RNF10: variants seen among roughly 807,000 people sequenced by gnomAD.
RNF10 encodes the protein E3 ubiquitin-protein ligase RNF10.
RNF10 carries 38 observed loss-of-function variants against 91.4 expected under a neutral mutation model. The observed-to-expected ratio is 0.42, with a 90% CI of 0.32 to 0.54. The LOEUF (loss-of-function observed/expected upper bound fraction) is 0.54. Ranked by LOEUF, RNF10 falls within the 20% of genes least tolerant of loss-of-function variation. RNF10 has a pLI of 0.16. For missense variants in RNF10, 945 were observed against 1,012.0 expected (o/e 0.93, Z 0.90); for synonymous variants, 364 against 366.3 (o/e 0.99, Z 0.07).
intron 12 of RNF10, 98 bp from the exon 13 acceptor site, chr12:120,566,727 A>G (rs2137242892): frequency 2.6e-6 from 3 of 1,140,070 alleles, no homozygotes; most frequent in South Asian, 2.7e-5. Flanking sequence ...GTACCACTAC[A>G]CTCCAGCCTG....
At chr12:120,556,130 G>C (rs1478093236) in intron 4 of RNF10, among the ~76,000 whole-genome samples, 1 of 152,024 alleles carries the variant, frequency 6.6e-6, no homozygotes, top group Non-Finnish European at 1.5e-5. Flanking sequence ...TTCTACTGAA[G>C]TTATAAACTC....
intron 13 of RNF10, among the ~76,000 whole-genome samples, chr12:120,570,985 T>A (rs183601309): frequency 6.6e-6 from 1 of 152,288 alleles, no homozygotes; most frequent in Admixed American, 6.5e-5. Context: ...TCTTCCCTCT[T>A]CCTGTACCGG....
rs1229022319 is a variant in RNF10 at position 120,567,084 on chromosome 12, AG to A, written c.2041+108del. The A allele has an allele frequency of 2.7e-6, 3 of 1,117,204 alleles. No homozygotes were observed. In the East Asian group the frequency reaches 7.5e-5, roughly 28 times the overall value. The allele number at this position is 1,117,204 out of a possible 1,614,324, so 69.2% of individuals were successfully genotyped here. A position where few individuals can be genotyped will look rare whatever the true frequency, so the allele number is the denominator to read the frequency against. On this transcript the variant is annotated intron_variant, in intron 13 of 16. Coordinates refer to ENST00000325954, the MANE Select transcript of RNF10 (RefSeq NM_014868.5). ...GCCCACTCAGCATGGTGTGGACTTC[AG>A]GGGCATAACCTTACTTTGGTAGTCC...
chr12:120,567,860 G>GGGGT (rs1555229518), intron 13 of RNF10, among the ~76,000 whole-genome samples: 2,293 of 80,534 alleles, frequency 0.028, 56 homozygotes, highest in African/African-American at 0.061. Flanking sequence ...TTTCATTATG[G>GGGGT]GTGTGTGTGT....
At chr12:120,562,834 T>C (rs1875086539) in intron 7 of RNF10, 111 bp from the exon 8 acceptor site, 4 of 1,349,954 alleles carry the variant, frequency 3.0e-6, no homozygotes, top group Non-Finnish European at 4.2e-6. Flanking sequence ...TTGGGTCTCA[T>C]TGCCTTTTAA....
intron 1 of RNF10, among the ~76,000 whole-genome samples, chr12:120,541,731 G>C (rs1871605706): frequency 6.6e-6 from 1 of 150,422 alleles, no homozygotes; most frequent in Admixed American, 6.6e-5. Context: ...ATCGTGCCTG[G>C]CTTTTTTTTT....
At chr12:120,546,267 A>G (rs77374590) in intron 1 of RNF10, 138 bp from the exon 2 acceptor site, 83 of 693,708 alleles carry the variant, frequency 1.2e-4, no homozygotes, top group Non-Finnish European at 1.7e-4. Flanking sequence ...CAAAGCACTC[A>G]TGCTCTGGCC....
intron 13 of RNF10, 114 bp downstream of exon 13, chr12:120,567,094 C>G: frequency 1.0e-6 from 1 of 1,004,764 alleles, no homozygotes; most frequent in South Asian, 1.7e-5. Context: ...AGGGGCATAA[C>G]CTTACTTTGG....
Position 120,576,716 on chromosome 12 carries a change from T to G in RNF10, c.*50T>G. Reference sequence around the variant, plus strand: ...CCATCTGGTTTTTGTTTTTGTTTTTTTTTCCCCCATGCTTTTGTTTGGCTG... The same window carrying G: ...CCATCTGGTTTTTGTTTTTGTTTTTGTTTCCCCCATGCTTTTGTTTGGCTG... On this transcript the variant is annotated 3_prime_UTR_variant, in exon 17 of 17. Coordinates refer to ENST00000325954, the MANE Select transcript of RNF10 (RefSeq NM_014868.5). 3 of 1,593,224 alleles carry G rather than the reference T, an allele frequency of 1.9e-6. No homozygotes were observed. Among genetic ancestry groups the G allele is most frequent in the South Asian group, 2.3e-5 (2 of 86,832 alleles).
Position 120,534,835 on chromosome 12 carries a change from C to T in RNF10, c.24C>T (p.Ala8=). Residue 8 remains alanine (A), a synonymous_variant, in exon 1 of 17, where the codon GCC becomes GCT. Coordinates refer to ENST00000325954, the MANE Select transcript of RNF10 (RefSeq NM_014868.5). The part of the protein sequence containing the change: MPLSSPN[A]AATASDMDKN... ...TGATGCCGCTGAGCTCCCCCAACGCCGCCGCCACCGCCTCCGACATGGACA... is the reference window on the plus strand; with the variant it reads ...TGATGCCGCTGAGCTCCCCCAACGCTGCCGCCACCGCCTCCGACATGGACA... The T allele has an allele frequency of 6.3e-7, 1 of 1,597,790 alleles. No homozygotes were observed. Among genetic ancestry groups the T allele is most frequent in the Admixed American group, 1.7e-5 (1 of 58,532 alleles).
chr12:120,561,128 G>C (rs1874781955), intron 7 of RNF10, among the ~76,000 whole-genome samples: 1 of 152,114 alleles, frequency 6.6e-6, no homozygotes, highest in African/African-American at 2.4e-5. Flanking sequence ...TCTTTCTAGA[G>C]CTGAAAGGAG....
chr12:120,559,653 G>C (rs1174288240), intron 6 of RNF10, among the ~76,000 whole-genome samples: 1 of 150,954 alleles, frequency 6.6e-6, no homozygotes. Context: ...AAAGTGCTGG[G>C]ATTACAGGTG....
At position 120,565,161 on chromosome 12, in the gene RNF10, C is replaced by G. The variant is rs1484720107; in HGVS notation, c.1755C>G (p.Val585=). The change falls in exon 11 of 17, where the codon GTC becomes GTG. Residue 585 remains valine, a synonymous_variant. Coordinates refer to ENST00000325954, the MANE Select transcript of RNF10 (RefSeq NM_014868.5). ...ICELALQPPV[V]SKETLEMFSD... Reference sequence around the variant, plus strand: ...AACTGGCTTTGCAACCTCCTGTGGTCTCTAAGGAAACCCTAGAGATGTTCT... The same window carrying G: ...AACTGGCTTTGCAACCTCCTGTGGTGTCTAAGGAAACCCTAGAGATGTTCT... 1 of 1,612,526 alleles carries G rather than the reference C, an allele frequency of 6.2e-7. No individual in the cohort carries two copies. Among genetic ancestry groups the G allele is most frequent in the South Asian group, 1.1e-5 (1 of 91,030 alleles).
In RNF10 at chr12:120,576,615, A is replaced by AG; in HGVS notation, c.2385_2386insG (p.Lys796GlufsTer99). 1 of 1,614,024 alleles carries AG rather than the reference A, an allele frequency of 6.2e-7. No homozygotes were observed. Among genetic ancestry groups the AG allele is most frequent in the Non-Finnish European group, 8.5e-7 (1 of 1,179,932 alleles). ...AAGAGAAAGGAGGAAAGAAAAGAAA[A>AG]AAACAGAAACAGAAGCTCCTGTTCA... On this transcript the variant is annotated frameshift_variant, in exon 17 of 17. Transcript: ENST00000325954. LOFTEE classifies it high-confidence loss of function.
At position 120,550,810 on chromosome 12, in the gene RNF10, G is replaced by A. The variant is rs538168035; in HGVS notation, c.355-1689G>A. Among the ~76,000 whole-genome samples, 38 of 151,792 alleles carry A rather than the reference G, an allele frequency of 2.5e-4. 1 individual carries two copies. The East Asian group carries it at 5.8e-3, about 23-fold the overall frequency. ...ACAGGGTTTCACTGTGTTAGCCAGG[G>A]TGGTCTCGATCTCCTGACCTCGTGA... On this transcript the variant is annotated intron_variant, in intron 2 of 16. Coordinates refer to ENST00000325954, the MANE Select transcript of RNF10 (RefSeq NM_014868.5).
chr12:120,557,599 A>G lies in RNF10; in HGVS notation c.884A>G (p.Gln295Arg), dbSNP rs1315787464. The change falls in exon 6 of 17, where the codon CAG (glutamine) becomes CGG (arginine). Residue 295 changes from glutamine to arginine, a missense_variant. By Grantham distance (43) the Gln-to-Arg change is conservative. Coordinates refer to ENST00000325954, the MANE Select transcript of RNF10 (RefSeq NM_014868.5). ...QYVVGDTITM[Q>R]LMKREKGVLV... Reference sequence around the variant, plus strand: ...GTTGTTGGTGATACCATTACGATGCAGCTGATGAAGAGGGAGAAAGGGGTG... The same window carrying G: ...GTTGTTGGTGATACCATTACGATGCGGCTGATGAAGAGGGAGAAAGGGGTG... 4 of 1,614,096 alleles carry G rather than the reference A, an allele frequency of 2.5e-6. No homozygotes were observed. Among genetic ancestry groups the G allele is most frequent in the Non-Finnish European group, 3.4e-6 (4 of 1,180,030 alleles).
At chr12:120,565,335 G>T in intron 11 of RNF10, 93 bp from the exon 12 acceptor site, 1 of 1,233,130 alleles carries the variant, frequency 8.1e-7, no homozygotes, top group Admixed American at 1.7e-5. Flanking sequence ...AGTCCAGCTG[G>T]GCCTACTGTT....
rs778623327 is a variant in RNF10, at chr12:120,575,763, T to C, written c.2201-29T>C. ...GGCTGTTTCTAGAAAAAGAGTTGTT[T>C]CTATAGTTTTAACACTGGTATTTTT... On this transcript the variant is annotated intron_variant, in intron 15 of 16. Coordinates refer to ENST00000325954, the MANE Select transcript of RNF10 (RefSeq NM_014868.5). The C allele has an allele frequency of 3.8e-5, 62 of 1,613,920 alleles. No individual in the cohort carries two copies. The Admixed American group carries it at 5.2e-4, about 13-fold the overall frequency.
rs748037746 is a variant in RNF10 at position 120,560,695 on chromosome 12, C to T, written c.968-31C>T. The T allele has an allele frequency of 9.5e-5, 151 of 1,596,676 alleles. 1 individual carries two copies. The highest frequency in any genetic ancestry group is 5.2e-4 in the East Asian group (23 of 44,508). ...ACACCATCGTGAGCTTTGAATGTTG[C>T]ATTTCTTTGATCTTGCTGGCATTCT... On this transcript the variant is annotated intron_variant, in intron 6 of 16. Coordinates refer to ENST00000325954, the MANE Select transcript of RNF10 (RefSeq NM_014868.5).
Sources: allele counts gnomAD v4.1 joint callset (sites outside exome capture counted in the v4.1 genomes callset), GRCh38; gene constraint gnomAD v4.1.1; transcripts MANE v1.5; gene names NCBI Gene and HGNC (gene_info 2026-07-23, HGNC 2026-07-21).